PHF21B: variants seen among roughly 807,000 people sequenced by gnomAD.
The protein encoded by PHF21B is PHD finger protein 4.
In PHF21B, 22 loss-of-function variants were observed where a neutral mutation model predicts 62.2. The observed-to-expected ratio is 0.35, with a 90% CI of 0.25 to 0.51. The LOEUF (loss-of-function observed/expected upper bound fraction) is 0.51. Among genes scored for constraint, PHF21B ranks in the 20% least tolerant of loss-of-function variants. The pLI is 0.97. For synonymous variants in PHF21B, 341 were observed against 314.7 expected, an observed-to-expected ratio of 1.08 and a Z score of -0.88; for missense variants, 701 against 707.9, an observed-to-expected ratio of 0.99 and a Z score of 0.11.
At chr22:44,893,375 G>C (rs1253101740) in intron 7 of PHF21B, 82 bp downstream of exon 7, 8 of 1,357,866 alleles carry the variant, frequency 5.9e-6, no homozygotes, top group African/African-American at 1.4e-5. Context: ...AAGCGAATGA[G>C]GGAGGCCCTG....
chr22:45,007,010 G>C (rs1425343549), intron 2 of PHF21B, among the ~76,000 whole-genome samples: 3 of 151,894 alleles, frequency 2.0e-5, no homozygotes, highest in African/African-American at 4.8e-5. Context: ...CCCTCCCCCC[G>C]CCAACTCCCC....
chr22:45,005,418 A>G (rs899352304), intron 2 of PHF21B, among the ~76,000 whole-genome samples: 1 of 152,178 alleles, frequency 6.6e-6, no homozygotes, highest in Non-Finnish European at 1.5e-5. Context: ...GGTCCTATGT[A>G]AACTCACTTC....
intron 2 of PHF21B, among the ~76,000 whole-genome samples, chr22:44,995,051 A>G (rs2073098569): frequency 6.6e-6 from 1 of 152,216 alleles, no homozygotes; most frequent in Non-Finnish European, 1.5e-5. Context: ...TTTTTCATCA[A>G]CTAAACAAAG....
At chr22:44,938,857 C>T (rs1222733127) in intron 2 of PHF21B, among the ~76,000 whole-genome samples, 1 of 152,212 alleles carries the variant, frequency 6.6e-6, no homozygotes, top group Non-Finnish European at 1.5e-5. Flanking sequence ...TAAATGCACT[C>T]TGGCCTCACT....
intron 5 of PHF21B, among the ~76,000 whole-genome samples, chr22:44,896,882 T>TTTTTTTTTTTTTTG (rs2071068379): frequency 1.7e-5 from 2 of 120,646 alleles, no homozygotes; most frequent in Non-Finnish European, 3.6e-5. Context: ...TTTTATCTGT[T>TTTTTTTTTTTTTTG]TTTTTTTTTT....
intron 5 of PHF21B, chr22:44,901,881 G>T: frequency 3.9e-6 from 1 of 255,510 alleles, no homozygotes; most frequent in South Asian, 7.3e-5. Flanking sequence ...CAAGAATGGT[G>T]GTACCCGGCT....
chr22:44,928,268 C>T (rs1045488838), intron 2 of PHF21B, among the ~76,000 whole-genome samples: 1 of 152,160 alleles, frequency 6.6e-6, no homozygotes, highest in African/African-American at 2.4e-5. Flanking sequence ...CGCCCGCCGT[C>T]CTCGAACTGC....
chr22:44,953,996 AC>A (rs2072244455), intron 2 of PHF21B, among the ~76,000 whole-genome samples: 1 of 151,944 alleles, frequency 6.6e-6, no homozygotes, highest in Non-Finnish European at 1.5e-5. Context: ...CCACCACCCC[AC>A]CGGGCTCTTC....
chr22:44,964,288 A>G (rs1368901637), intron 2 of PHF21B, among the ~76,000 whole-genome samples: 2 of 152,156 alleles, frequency 1.3e-5, no homozygotes, highest in African/African-American at 4.8e-5. Context: ...ACCCACCCAG[A>G]GACACATTCA....
chr22:44,922,603 GC>G (rs1437098640), intron 2 of PHF21B, among the ~76,000 whole-genome samples: 1 of 151,826 alleles, frequency 6.6e-6, no homozygotes, highest in Non-Finnish European at 1.5e-5. Flanking sequence ...CTGCACTCCA[GC>G]CTGGGCAACA....
Position 44,945,929 on chromosome 22 carries a change from G to A in PHF21B, c.121-25439C>T, listed in dbSNP as rs544109849. On this transcript the variant is annotated intron_variant, in intron 2 of 12. Coordinates refer to ENST00000313237, the MANE Select transcript of PHF21B (RefSeq NM_138415.5). ...CCTGAGGATGACCTCAGGGCCACCC[G>A]TGCTGTTCCTTCTGCCTGGGTCGCT... Among the ~76,000 whole-genome samples the A allele has an allele frequency of 1.4e-4, 22 of 152,250 alleles. 1 individual carries two copies. Among genetic ancestry groups the A allele is most frequent in the South Asian group, 4.1e-4 (2 of 4,824 alleles).
intron 2 of PHF21B, among the ~76,000 whole-genome samples, chr22:44,965,428 C>T (rs1413856728): frequency 1.3e-5 from 2 of 152,024 alleles, no homozygotes; most frequent in African/African-American, 2.4e-5. Context: ...AACTCAGTCA[C>T]CCTGCCCCAC....
chr22:44,895,418 CCT>C (rs1244783731), intron 6 of PHF21B, among the ~76,000 whole-genome samples: 1 of 152,304 alleles, frequency 6.6e-6, no homozygotes, highest in East Asian at 1.9e-4. Context: ...GTCACAGTGC[CCT>C]GTCTGCTCAA....
At chr22:44,900,357 G>A (rs909619221) in intron 5 of PHF21B, among the ~76,000 whole-genome samples, 1 of 152,146 alleles carries the variant, frequency 6.6e-6, no homozygotes, top group African/African-American at 2.4e-5. Flanking sequence ...CTGGAGTGTA[G>A]TGGCATGATC....
intron 10 of PHF21B, among the ~76,000 whole-genome samples, chr22:44,887,579 A>AC (rs1032666461): frequency 1.3e-5 from 2 of 151,436 alleles, no homozygotes; most frequent in Non-Finnish European, 2.9e-5. Flanking sequence ...ACATGGTGAA[A>AC]CCCCCCATCT....
At chr22:44,894,607 C>T (rs1221716198) in intron 6 of PHF21B, among the ~76,000 whole-genome samples, 4 of 152,194 alleles carry the variant, frequency 2.6e-5, no homozygotes, top group Non-Finnish European at 5.9e-5. Flanking sequence ...CACAGAGGTT[C>T]TTACAAAGGA....
At chr22:44,920,748 G>A (rs181391807) in intron 2 of PHF21B, among the ~76,000 whole-genome samples, 2 of 152,196 alleles carry the variant, frequency 1.3e-5, no homozygotes, top group Non-Finnish European at 2.9e-5. Flanking sequence ...TCTTTTAAGT[G>A]AATTTTTTAT....
chr22:44,901,129 A>G (rs1294805324), intron 5 of PHF21B, among the ~76,000 whole-genome samples: 2 of 152,212 alleles, frequency 1.3e-5, no homozygotes, highest in Non-Finnish European at 2.9e-5. Flanking sequence ...GGGGCCATCC[A>G]GCAGCTCGGC....
intron 1 of PHF21B, chr22:45,008,843 A>C: frequency 8.5e-7 from 1 of 1,174,022 alleles, no homozygotes; most frequent in Admixed American, 4.6e-5. Flanking sequence ...GCGGGGGCCG[A>C]GGCCACCCGG....
Sources: allele counts gnomAD v4.1 joint callset (sites outside exome capture counted in the v4.1 genomes callset), GRCh38; gene constraint gnomAD v4.1.1; transcripts MANE v1.5; gene names NCBI Gene and HGNC (gene_info 2026-07-23, HGNC 2026-07-21).